Variants in MIPOL1 observed in about 807,000 individuals in gnomAD.
MIPOL1 encodes mirror-image polydactyly 1.
In MIPOL1, 57 loss-of-function variants were observed where a neutral mutation model predicts 60.9. That is an observed-to-expected ratio of 0.94 (90% CI 0.76 to 1.17). The LOEUF is 1.17. Among genes scored for constraint, MIPOL1 ranks in the 50% most tolerant of loss-of-function variants. The pLI, the probability that MIPOL1 is intolerant of heterozygous loss-of-function variation, is 0.00. For synonymous variants in MIPOL1, 179 were observed against 168.8 expected (o/e 1.06, Z -0.47); for missense variants, 551 against 511.6 (o/e 1.08, Z -0.74).
chr14:37,343,302 C>A (rs1336884743), intron 9 of MIPOL1, among the ~76,000 whole-genome samples: 1 of 152,090 alleles, frequency 6.6e-6, no homozygotes, highest in African/African-American at 2.4e-5. Flanking sequence ...TAAAAAAACT[C>A]TTTATTCCAA....
chr14:37,405,766 ATG>A (rs1376632145), intron 10 of MIPOL1, among the ~76,000 whole-genome samples: 7 of 151,922 alleles, frequency 4.6e-5, no homozygotes, highest in South Asian at 4.1e-4. Context: ...ATAAATCTTA[ATG>A]TGTTTCTGCA....
intron 1 of MIPOL1, among the ~76,000 whole-genome samples, chr14:37,234,361 C>CTTTTTTTTTTTTTTTTTTTTTTCTTTTTT (rs3061899): frequency 7.4e-6 from 1 of 135,116 alleles, no homozygotes; most frequent in African/African-American, 2.7e-5. Flanking sequence ...CTTTTCTTTT[C>CTTTTTTTTTTTTTTTTTTTTTTCTTTTTT]TTTTTTTTTT....
In MIPOL1 at chr14:37,353,273, A is replaced by G. The variant is rs865885984; in HGVS notation, c.829-16244A>G. 3.9e-3 allele frequency among the ~76,000 whole-genome samples: 519 copies of G among 134,786 alleles called. 4 individuals are homozygous for G. Among genetic ancestry groups the G allele is most frequent in the African/African-American group, 0.013 (457 of 35,440 alleles). The allele number at this position is 134,786 out of a possible 152,430, so 88.4% of individuals were successfully genotyped here. A position where few individuals can be genotyped will look rare whatever the true frequency, so the allele number is the denominator to read the frequency against. On this transcript the variant is annotated intron_variant, in intron 9 of 12. Coordinates refer to ENST00000684589, the MANE Select transcript of MIPOL1 (RefSeq NM_001388067.1). ...GATGAAGCCCACTTGATCATGGTGA[A>G]TAAGCTTTTTGATGTGCTGCTGGAT...
intron 12 of MIPOL1, among the ~76,000 whole-genome samples, chr14:37,544,809 A>G (rs2095541574): frequency 6.6e-6 from 1 of 152,250 alleles, no homozygotes; most frequent in Admixed American, 6.5e-5. Flanking sequence ...TTGAAATACA[A>G]TGAGGACATT....
intron 12 of MIPOL1, among the ~76,000 whole-genome samples, chr14:37,533,102 TAAC>T (rs1347360991): frequency 6.6e-6 from 1 of 152,162 alleles, no homozygotes; most frequent in African/African-American, 2.4e-5. Context: ...GTATGCATCA[TAAC>T]AATTTCAGAG....
At chr14:37,348,728 C>T (rs1000976638) in intron 9 of MIPOL1, among the ~76,000 whole-genome samples, 1 of 151,862 alleles carries the variant, frequency 6.6e-6, no homozygotes, top group African/African-American at 2.4e-5. Context: ...TGAACCATCT[C>T]ATCTCTCTCC....
At chr14:37,249,369 T>C (rs576936677) in intron 3 of MIPOL1, among the ~76,000 whole-genome samples, 1 of 152,248 alleles carries the variant, frequency 6.6e-6, no homozygotes, top group East Asian at 1.9e-4. Flanking sequence ...TCTATAATCA[T>C]TGTACTGAAT....
intron 7 of MIPOL1, among the ~76,000 whole-genome samples, chr14:37,297,501 G>A (rs939548136): frequency 1.3e-5 from 2 of 152,032 alleles, no homozygotes; most frequent in African/African-American, 4.8e-5. Context: ...ATTAGGAAAA[G>A]AGGAAGTCAA....
Position 37,537,120 on chromosome 14 carries a change from C to T in MIPOL1, c.1263-9785C>T, listed in dbSNP as rs139491657. Among the ~76,000 whole-genome samples, 11 of 152,214 alleles carry T rather than the reference C, an allele frequency of 7.2e-5. No homozygotes were observed. In the East Asian group the frequency reaches 2.1e-3, roughly 29 times the overall value. On this transcript the variant is annotated intron_variant, in intron 12 of 12. Transcript: ENST00000684589. ...GAAAATTCTCAAATCTCATGACTATCACAAGATATTGGAGATACCTGAACA... is the reference window on the plus strand; with the variant it reads ...GAAAATTCTCAAATCTCATGACTATTACAAGATATTGGAGATACCTGAACA...
At chr14:37,302,590 TTTAAATTTTGATAACAC>T (rs1432184722) in intron 7 of MIPOL1, among the ~76,000 whole-genome samples, 4 of 151,720 alleles carry the variant, frequency 2.6e-5, no homozygotes, top group Non-Finnish European at 4.4e-5. Flanking sequence ...GAACACAAGT[TTTAAATTTTGATAACAC>T]TTAAATTTTG....
At chr14:37,251,934 A>G (rs1405953432) in intron 3 of MIPOL1, among the ~76,000 whole-genome samples, 1 of 151,920 alleles carries the variant, frequency 6.6e-6, no homozygotes, top group African/African-American at 2.4e-5. Context: ...TGTGAAACTT[A>G]TTTAAATTTA....
At chr14:37,357,692 T>G (rs2091939701) in intron 9 of MIPOL1, among the ~76,000 whole-genome samples, 1 of 152,142 alleles carries the variant, frequency 6.6e-6, no homozygotes, top group Non-Finnish European at 1.5e-5. Flanking sequence ...TGCAAATATT[T>G]TCTCCCATTC....
At chr14:37,531,700 T>C (rs1473715) in intron 12 of MIPOL1, among the ~76,000 whole-genome samples, 115,830 of 152,124 alleles carry the variant, frequency 0.76, 44,463 homozygotes, top group African/African-American at 0.85. Context: ...TGTAGAGTTT[T>C]TGAAAATCCT....
At chr14:37,485,970 A>C (rs923406227) in intron 11 of MIPOL1, among the ~76,000 whole-genome samples, 1 of 152,106 alleles carries the variant, frequency 6.6e-6, no homozygotes, top group Admixed American at 6.6e-5. Context: ...TTTAGGTCTT[A>C]TGTTTAAGTC....
chr14:37,294,448 A>G (rs570866891), intron 7 of MIPOL1, among the ~76,000 whole-genome samples: 116 of 152,298 alleles, frequency 7.6e-4, no homozygotes, highest in African/African-American at 2.7e-3. Flanking sequence ...AACAGAACAA[A>G]GCTGGATGGA....
intron 3 of MIPOL1, among the ~76,000 whole-genome samples, chr14:37,262,082 A>G (rs2082552344): frequency 1.3e-5 from 2 of 152,046 alleles, no homozygotes; most frequent in African/African-American, 2.4e-5. Flanking sequence ...TATTGCCTAG[A>G]TGTTGTAGGG....
At position 37,300,892 on chromosome 14, in the gene MIPOL1, C is replaced by T. The variant is rs2086283329; in HGVS notation, c.624-7164C>T. On this transcript the variant is annotated intron_variant, in intron 7 of 12. Coordinates refer to ENST00000684589, the MANE Select transcript of MIPOL1 (RefSeq NM_001388067.1). The stretch of plus-strand genomic sequence containing the variant: ...TATGTAAGGATGTATAGAGCTGTGC[C>T]CCTCCAGTAGATTCAGTCATTCCTC... 1.3e-4 allele frequency among the ~76,000 whole-genome samples: 2 copies of T among 15,328 alleles called. 1 individual carries two copies. The highest frequency in any genetic ancestry group is 2.9e-3 in the Admixed American group (2 of 700). 10.1% of individuals were successfully genotyped at this position (15,328 alleles called of 152,430 possible). A position where few individuals can be genotyped will look rare whatever the true frequency, so the allele number is the denominator to read the frequency against.
At chr14:37,363,631 A>T (rs970707788) in intron 9 of MIPOL1, among the ~76,000 whole-genome samples, 2 of 152,114 alleles carry the variant, frequency 1.3e-5, no homozygotes, top group African/African-American at 2.4e-5. Flanking sequence ...TCAAAGCTCA[A>T]ATGCCGTGCT....
At chr14:37,427,238 A>G (rs1259431130) in intron 11 of MIPOL1, among the ~76,000 whole-genome samples, 1 of 152,252 alleles carries the variant, frequency 6.6e-6, no homozygotes, top group Non-Finnish European at 1.5e-5. Flanking sequence ...TCATTATTCA[A>G]AAACAAATGA....
Sources: gnomAD v4.1 joint callset for allele counts (sites outside exome capture counted in the v4.1 genomes callset) on GRCh38, gnomAD v4.1.1 for gene constraint, MANE v1.5 for transcripts, NCBI Gene and HGNC (gene_info 2026-07-23, HGNC 2026-07-21) for gene names.